Variants in ZNG1A observed in about 807,000 individuals in gnomAD.
ZNG1A encodes the protein Zn regulated GTPase metalloprotein activator 1A, also known as zinc-regulated GTPase metalloprotein activator 1A.
chr9:139,382 G>T, the ZNG1A span, among the ~76,000 whole-genome samples: 33,394 of 147,554 alleles, frequency 0.23, 4,481 homozygotes, highest in Admixed American at 0.27. Flanking sequence ...ATGGGAAGCT[G>T]CTATTCAAGG....
At chr9:178,339 G>A in the ZNG1A span, among the ~76,000 whole-genome samples, 2 of 152,060 alleles carry the variant, frequency 1.3e-5, no homozygotes, top group African/African-American at 4.8e-5. Flanking sequence ...CTGCCAGCTG[G>A]CTGGAGGACT....
At chr9:170,304 T>A in the ZNG1A span, among the ~76,000 whole-genome samples, 1 of 151,214 alleles carries the variant, frequency 6.6e-6, no homozygotes, top group Non-Finnish European at 1.5e-5. Context: ...AGCACTGGCA[T>A]AGAGAGATCC....
the ZNG1A span, chr9:178,849 T>C: frequency 6.1e-6 from 7 of 1,148,136 alleles, 2 homozygotes; most frequent in East Asian, 1.8e-4. Context: ...ACTGGGATCT[T>C]GGCGCCGAGG....
chr9:149,692 T>C, the ZNG1A span, among the ~76,000 whole-genome samples: 2 of 150,452 alleles, frequency 1.3e-5, no homozygotes, highest in African/African-American at 5.0e-5. Flanking sequence ...ATTGCTTATA[T>C]AGTCCTTAAA....
the ZNG1A span, among the ~76,000 whole-genome samples, chr9:145,528 T>C: frequency 3.3e-5 from 4 of 120,672 alleles, no homozygotes; most frequent in South Asian, 1.1e-3. Flanking sequence ...AAGGGGAACA[T>C]CACATTCTGG....
At chr9:173,935 C>A in the ZNG1A span, among the ~76,000 whole-genome samples, 1 of 152,064 alleles carries the variant, frequency 6.6e-6, no homozygotes, top group African/African-American at 2.4e-5. Context: ...ATCACGAGGT[C>A]AGGAGACCGA....
the ZNG1A span, among the ~76,000 whole-genome samples, chr9:178,501 G>A: frequency 1.8e-5 from 2 of 109,846 alleles, no homozygotes; most frequent in African/African-American, 5.4e-5. Flanking sequence ...GTAGATGAGC[G>A]TCAGGAAGGT....
chr9:178,264 T>C, the ZNG1A span, among the ~76,000 whole-genome samples: 4,586 of 151,404 alleles, frequency 0.03, 205 homozygotes, highest in African/African-American at 0.11. Context: ...GATTTTATTC[T>C]TACTTCCTAC....
the ZNG1A span, among the ~76,000 whole-genome samples, chr9:129,748 T>C: frequency 6.9e-6 from 1 of 143,958 alleles, no homozygotes; most frequent in East Asian, 2.1e-4. Context: ...TATGTAACAA[T>C]GTACAGACAG....
chr9:161,773 A>G, the ZNG1A span: 1 of 493,802 alleles, frequency 2.0e-6, no homozygotes, highest in Non-Finnish European at 3.7e-6. Flanking sequence ...AGAAGTTAAC[A>G]AAAACATTCA....
At chr9:168,465 G>C in the ZNG1A span, among the ~76,000 whole-genome samples, 1 of 150,922 alleles carries the variant, frequency 6.6e-6, no homozygotes, top group East Asian at 1.9e-4. Context: ...TGTTGGCCAG[G>C]CTGGTCTTGA....
the ZNG1A span, among the ~76,000 whole-genome samples, chr9:141,759 G>C: frequency 1.3e-5 from 2 of 151,854 alleles, no homozygotes; most frequent in South Asian, 4.2e-4. Context: ...ATTGGATAAA[G>C]AGTCAAGACC....
chr9:161,527 C>G, the ZNG1A span: 4 of 1,244,658 alleles, frequency 3.2e-6, no homozygotes, highest in Non-Finnish European at 4.2e-6. Flanking sequence ...AAAACAGACA[C>G]TAATTTTTAA....
the ZNG1A span, chr9:122,206 C>G: frequency 1.4e-6 from 2 of 1,422,224 alleles, no homozygotes; most frequent in South Asian, 2.9e-5. Flanking sequence ...AATACAAACT[C>G]TTAAGCTGAG....
chr9:165,612 G>C, the ZNG1A span, among the ~76,000 whole-genome samples: 8 of 123,114 alleles, frequency 6.5e-5, no homozygotes, highest in Non-Finnish European at 1.1e-4. Context: ...CTAGGGGAAT[G>C]CTACTGGCAT....
chr9:166,637 C>T, the ZNG1A span: 2 of 152,532 alleles, frequency 1.3e-5, no homozygotes, highest in Non-Finnish European at 2.9e-5. Flanking sequence ...ACAATACAAC[C>T]TTATAATAAA....
the ZNG1A span, among the ~76,000 whole-genome samples, chr9:130,993 C>G: frequency 1.0e-5 from 1 of 99,770 alleles, no homozygotes; most frequent in African/African-American, 4.3e-5. Flanking sequence ...ATAGTTGGTT[C>G]TAATAATAAA....
the ZNG1A span, among the ~76,000 whole-genome samples, chr9:129,490 T>TA: frequency 8.0e-5 from 12 of 149,588 alleles, no homozygotes; most frequent in African/African-American, 3.0e-4. Flanking sequence ...TATGTATCCT[T>TA]AAAAAAAATC....
chr9:162,525 G>C, the ZNG1A span: 12 of 1,567,206 alleles, frequency 7.7e-6, no homozygotes, highest in Admixed American at 1.4e-4. Flanking sequence ...ATTAATATTT[G>C]TACAACCATA....
Sources: allele counts gnomAD v4.1 joint callset (sites outside exome capture counted in the v4.1 genomes callset), GRCh38; gene constraint gnomAD v4.1.1; transcripts MANE v1.5; gene names NCBI Gene and HGNC (gene_info 2026-07-23, HGNC 2026-07-21).